Variants in PAX8 observed in about 807,000 individuals in gnomAD.
The protein encoded by PAX8 is paired box 8.
A neutral mutation model predicts 52.4 loss-of-function variants in PAX8; 15 were observed. The ratio of observed to expected loss-of-function variants is 0.29; its 90% CI spans 0.19 to 0.44. The LOEUF is 0.44. Ranked by LOEUF, PAX8 falls within the 20% of genes least tolerant of loss-of-function variation. PAX8 has a pLI of 1.00. For synonymous variants in PAX8, 284 were observed against 249.7 expected, an observed-to-expected ratio of 1.14 and a Z score of -1.29; for missense variants, 554 against 602.5, an observed-to-expected ratio of 0.92 and a Z score of 0.84.
At position 113,218,020 on chromosome 2, in the gene PAX8, G is replaced by A. The variant is rs983973518; in HGVS notation, c.*513C>T. The A allele has an allele frequency of 8.6e-5, 20 of 233,684 alleles. No homozygotes were observed. The highest frequency in any genetic ancestry group is 5.9e-5 in the Non-Finnish European group (7 of 118,432). The allele number at this position is 233,684 out of a possible 1,614,324, so 14.5% of individuals were successfully genotyped here. A position where few individuals can be genotyped will look rare whatever the true frequency, so the allele number is the denominator to read the frequency against. On this transcript the variant is annotated 3_prime_UTR_variant, in exon 12 of 12. Coordinates refer to ENST00000429538, the MANE Select transcript of PAX8 (RefSeq NM_003466.4). ...GCCAGAGCCTCCGTGTGGGGCAGGC[G>A]GGAGGCTGAGGGAGGTGACTCCCTG...
intron 2 of PAX8, chr2:113,275,756 A>C (rs1298552429): frequency 6.6e-6 from 1 of 152,172 alleles, no homozygotes; most frequent in African/African-American, 2.4e-5. Context: ...GCTTTAGAGA[A>C]TTTCGTCCCT....
At position 113,216,728 on chromosome 2, in the gene PAX8, C is replaced by A. The variant is rs536555492; in HGVS notation, c.*1805G>T. On this transcript the variant is annotated 3_prime_UTR_variant, in exon 12 of 12. Coordinates refer to ENST00000429538, the MANE Select transcript of PAX8 (RefSeq NM_003466.4). ...TCAAAAGAAATTAAATCCCCAGTGG[C>A]AGCTCCAGAACCTCCACTGGGTCTA... The A allele has an allele frequency of 2.2e-5, 5 of 227,170 alleles. No homozygotes were observed. The South Asian group carries it at 9.1e-4, about 42-fold the overall frequency. 14.1% of individuals were successfully genotyped at this position (227,170 alleles called of 1,614,324 possible).
chr2:113,242,576 G>GT, intron 5 of PAX8, 114 bp downstream of exon 5: 1 of 812,254 alleles, frequency 1.2e-6, no homozygotes. Context: ...GAATGGTACT[G>GT]TGCACAGCTA....
chr2:113,253,508 C>T (rs911508912), intron 2 of PAX8, among the ~76,000 whole-genome samples: 1 of 152,238 alleles, frequency 6.6e-6, no homozygotes, highest in Non-Finnish European at 1.5e-5. Context: ...TGCCACCACA[C>T]TCTCTGCACC....
In PAX8 at chr2:113,244,474, C is replaced by T; in HGVS notation, c.342G>A (p.Glu114=). ...AWEIRDRLLA[E]GVCDNDTVPS... is the part of the protein sequence containing the mutation. The stretch of plus-strand genomic sequence containing the variant: ...GCACAGTGTCATTGTCACAGACGCC[C>T]TCAGCCAGGAGCCGGTCTCGGATCT... Residue 114 remains glutamate (E), a synonymous_variant, in exon 4 of 12, where the codon GAG becomes GAA. Transcript: ENST00000429538. 1.9e-6 allele frequency: 3 copies of T among 1,614,184 alleles called. No homozygotes were observed. Among genetic ancestry groups the T allele is most frequent in the Non-Finnish European group, 2.5e-6 (3 of 1,180,022 alleles).
intron 2 of PAX8, among the ~76,000 whole-genome samples, chr2:113,247,519 T>G (rs1251236548): frequency 6.8e-6 from 1 of 147,944 alleles, no homozygotes; most frequent in Non-Finnish European, 1.5e-5. Flanking sequence ...CCAAGGTTCC[T>G]TCTTTCTCTA....
chr2:113,230,655 G>C (rs1392011859), intron 9 of PAX8: 2 of 152,226 alleles, frequency 1.3e-5, no homozygotes, highest in Non-Finnish European at 2.9e-5. Context: ...CCAGACTATG[G>C]CACAATAAAC....
intron 7 of PAX8, 68 bp from the exon 8 acceptor site, chr2:113,236,789 C>A: frequency 6.5e-7 from 1 of 1,528,294 alleles, no homozygotes; most frequent in Non-Finnish European, 8.8e-7. Context: ...AGACCCTGAG[C>A]CTGTGTCTTA....
At chr2:113,241,309 T>C (rs1690817180) in intron 7 of PAX8, 1 of 603,612 alleles carries the variant, frequency 1.7e-6, no homozygotes, top group Non-Finnish European at 3.0e-6. Context: ...TGTGCTGCCA[T>C]CCCTGAAAGG....
At chr2:113,248,973 GAAAAA>G (rs925920578) in intron 2 of PAX8, among the ~76,000 whole-genome samples, 1 of 149,154 alleles carries the variant, frequency 6.7e-6, no homozygotes, top group South Asian at 2.1e-4. Context: ...TCAAAAAAAA[GAAAAA>G]AAAGGGAGGT....
chr2:113,260,777 A>G (rs1312254637), intron 2 of PAX8, among the ~76,000 whole-genome samples: 1 of 152,192 alleles, frequency 6.6e-6, no homozygotes, highest in East Asian at 1.9e-4. Flanking sequence ...TAACTAGGAT[A>G]CAACCTGATG....
At chr2:113,240,169 C>A (rs72831818) in intron 7 of PAX8, 5 of 152,606 alleles carry the variant, frequency 3.3e-5, no homozygotes, top group Non-Finnish European at 5.9e-5. Flanking sequence ...CTGCAGGCCC[C>A]CCACTGCAAC....
chr2:113,258,644 T>G (rs1692438725), intron 2 of PAX8, among the ~76,000 whole-genome samples: 1 of 152,268 alleles, frequency 6.6e-6, no homozygotes, highest in Non-Finnish European at 1.5e-5. Context: ...TGTATTAGCA[T>G]TGAACCCATT....
intron 4 of PAX8, among the ~76,000 whole-genome samples, chr2:113,244,209 T>C (rs1185216058): frequency 6.6e-6 from 1 of 152,134 alleles, no homozygotes; most frequent in East Asian, 1.9e-4. Flanking sequence ...ACACTATGGC[T>C]GGGGGCCAGG....
chr2:113,242,654 G>A lies in PAX8; in HGVS notation c.478+36C>T, dbSNP rs368037114. 4.9e-4 allele frequency: 682 copies of A among 1,398,282 alleles called. 1 individual carries two copies. The highest frequency in any genetic ancestry group is 1.8e-3 in the Middle Eastern group (10 of 5,696). The allele number at this position is 1,398,282 out of a possible 1,614,324, so 86.6% of individuals were successfully genotyped here. A position where few individuals can be genotyped will look rare whatever the true frequency, so the allele number is the denominator to read the frequency against. Reference sequence around the variant, plus strand: ...GGTATGCTGAAGGGGAGGTGTACACGAGCATGTGTGTGTATCCAGGTCTCT... The same window carrying A: ...GGTATGCTGAAGGGGAGGTGTACACAAGCATGTGTGTGTATCCAGGTCTCT... On this transcript the variant is annotated intron_variant, in intron 5 of 11. Transcript: ENST00000429538.
At chr2:113,253,949 A>T (rs1032051621) in intron 2 of PAX8, among the ~76,000 whole-genome samples, 1 of 152,212 alleles carries the variant, frequency 6.6e-6, no homozygotes, top group African/African-American at 2.4e-5. Context: ...TGTATGAATC[A>T]TAACTGTCTT....
At position 113,278,396 on chromosome 2, in the gene PAX8, G is replaced by T; in HGVS notation, c.-2C>A. 1 of 1,610,488 alleles carries T rather than the reference G, an allele frequency of 6.2e-7. No homozygotes were observed. Among genetic ancestry groups the T allele is most frequent in the South Asian group, 1.1e-5 (1 of 90,838 alleles). ...AGATCTGATGGAGTTGTGAGGCATC[G>T]CCGGGGAGTCGCTCGCAGCCCGCCG... On this transcript the variant is annotated 5_prime_UTR_variant, in exon 2 of 12. Transcript: ENST00000429538.
At chr2:113,253,902 C>A (rs1037044576) in intron 2 of PAX8, among the ~76,000 whole-genome samples, 2 of 151,994 alleles carry the variant, frequency 1.3e-5, no homozygotes, top group African/African-American at 4.8e-5. Flanking sequence ...ATCTTTAGGT[C>A]CAAATTTTAA....
intron 2 of PAX8, chr2:113,267,241 G>A (rs1271609407): frequency 5.2e-5 from 8 of 152,412 alleles, no homozygotes; most frequent in African/African-American, 1.9e-4. Flanking sequence ...GGGACCTTGA[G>A]GCCAGTTCTT....
Sources: gnomAD v4.1 joint callset for allele counts (sites outside exome capture counted in the v4.1 genomes callset) on GRCh38, gnomAD v4.1.1 for gene constraint, MANE v1.5 for transcripts, NCBI Gene and HGNC (gene_info 2026-07-23, HGNC 2026-07-21) for gene names.